Variants in ZPLD1 observed in about 807,000 individuals in gnomAD.
ZPLD1 encodes zona pellucida like domain containing 1.
A neutral mutation model predicts 47.2 loss-of-function variants in ZPLD1; 34 were observed. The ratio of observed to expected loss-of-function variants is 0.72; its 90% confidence interval spans 0.55 to 0.96. The LOEUF is 0.96. Ranked by LOEUF, ZPLD1 falls within the 40% of genes least tolerant of loss-of-function variation. ZPLD1 has a pLI of 0.00. For synonymous variants in ZPLD1, 176 were observed against 186.2 expected (o/e 0.95, Z 0.45); for missense variants, 512 against 505.8 (o/e 1.01, Z -0.12).
chr3:102,462,671 G>A (rs548050473), intron 7 of ZPLD1, among the ~76,000 whole-genome samples: 6 of 152,164 alleles, frequency 3.9e-5, no homozygotes, highest in African/African-American at 1.4e-4. Flanking sequence ...TCATCAGAAA[G>A]ATGATTAACC....
Position 102,438,545 on chromosome 3 carries a change from C to T in ZPLD1, c.58C>T (p.Gln20Ter). 1 of 1,613,996 alleles carries T rather than the reference C, an allele frequency of 6.2e-7. No homozygotes were observed. The highest frequency in any genetic ancestry group is 8.5e-7 in the Non-Finnish European group (1 of 1,179,880). ...LTIRVLPGSA[Q>*]FNGYNCDANL... ...AATTAGAGTGCTTCCGGGGTCTGCT[C>T]AGTTCAACGGCTACAACTGTGATGC... Residue 20 changes from glutamine to a stop codon, truncating the protein, a stop_gained, in exon 3 of 12, where the codon CAG becomes TAG. Transcript: ENST00000466937. LOFTEE classifies it high-confidence loss of function.
chr3:102,393,417 G>A (rs966099923), intron 7 of ZPLD1, among the ~76,000 whole-genome samples: 4 of 151,974 alleles, frequency 2.6e-5, no homozygotes, highest in Non-Finnish European at 4.4e-5. Context: ...CAACAACTCC[G>A]GATATCCAAA....
chr3:102,436,881 C>T lies in ZPLD1; in HGVS notation c.-101C>T. 1.0e-6 allele frequency: 1 copy of T among 985,282 alleles called. No homozygotes were observed. 61.0% of individuals were successfully genotyped at this position (985,282 alleles called of 1,614,324 possible). On this transcript the variant is annotated 5_prime_UTR_variant, in exon 2 of 12. It introduces an in-frame stop codon into an upstream open reading frame of the 5' UTR. Transcript: ENST00000466937. The stretch of plus-strand genomic sequence containing the variant: ...TTAGGATACACCTCTGTGTTGGGGA[C>T]AACAGTGTGGGTCTAGAGTTTCCAA...
rs1707099132 is a variant in ZPLD1 at position 102,436,909 on chromosome 3, T to A, written c.-73T>A. On this transcript the variant is annotated 5_prime_UTR_variant, in exon 2 of 12. Coordinates refer to ENST00000466937, the MANE Select transcript of ZPLD1 (RefSeq NM_001329788.2). Reference sequence around the variant, plus strand: ...CAGTGTGGGTCTAGAGTTTCCAATGTCTTCCAGGAGTTCTTGGGACCCATC... The same window carrying A: ...CAGTGTGGGTCTAGAGTTTCCAATGACTTCCAGGAGTTCTTGGGACCCATC... 1 of 985,370 alleles carries A rather than the reference T, an allele frequency of 1.0e-6. No homozygotes were observed. Among genetic ancestry groups the A allele is most frequent in the Non-Finnish European group, 1.2e-6 (1 of 829,956 alleles). 61.0% of individuals were successfully genotyped at this position (985,370 alleles called of 1,614,324 possible).
chr3:102,403,150 C>T (rs760062076), intron 7 of ZPLD1, among the ~76,000 whole-genome samples: 33 of 151,814 alleles, frequency 2.2e-4, no homozygotes, highest in Non-Finnish European at 4.7e-4. Context: ...TACGTTCATT[C>T]TGTAACCCTG....
chr3:102,440,555 T>A (rs539074224), intron 3 of ZPLD1, among the ~76,000 whole-genome samples: 1 of 152,166 alleles, frequency 6.6e-6, no homozygotes, highest in South Asian at 2.1e-4. Context: ...GAATATATAG[T>A]GGCAGTTTCT....
At chr3:102,472,523 C>T (rs866391188) in intron 10 of ZPLD1, among the ~76,000 whole-genome samples, 1 of 143,370 alleles carries the variant, frequency 7.0e-6, no homozygotes, top group Non-Finnish European at 1.5e-5. Context: ...CAGAGTGAGA[C>T]TCTGTCTCAA....
intron 10 of ZPLD1, among the ~76,000 whole-genome samples, chr3:102,475,011 T>C (rs1707737198): frequency 6.6e-6 from 1 of 151,938 alleles, no homozygotes; most frequent in Non-Finnish European, 1.5e-5. Context: ...TTCTTTGCAA[T>C]AATACAAAAA....
intron 7 of ZPLD1, among the ~76,000 whole-genome samples, chr3:102,412,374 C>T (rs1242352505): frequency 6.6e-6 from 1 of 151,614 alleles, no homozygotes; most frequent in Admixed American, 6.6e-5. Context: ...GCAGTGTGCT[C>T]ACTAACTCCC....
intron 7 of ZPLD1, among the ~76,000 whole-genome samples, chr3:102,407,442 T>TATATACAC (rs1553708474): frequency 1.6e-3 from 156 of 95,390 alleles, no homozygotes; most frequent in African/African-American, 2.5e-3. Flanking sequence ...TATATATATA[T>TATATACAC]ACACACATAT....
intron 7 of ZPLD1, among the ~76,000 whole-genome samples, chr3:102,408,309 C>T (rs1031803909): frequency 2.0e-5 from 3 of 151,818 alleles, no homozygotes; most frequent in Non-Finnish European, 4.4e-5. Flanking sequence ...TGCTCCATTT[C>T]TCAGGAAGAC....
intron 6 of ZPLD1, among the ~76,000 whole-genome samples, chr3:102,458,955 T>C (rs979026064): frequency 4.0e-5 from 6 of 151,328 alleles, no homozygotes; most frequent in Admixed American, 1.3e-4. Context: ...CCGGGCGTGG[T>C]GGCGGGCACC....
chr3:102,475,348 G>C (rs1344802624), intron 10 of ZPLD1, among the ~76,000 whole-genome samples: 2 of 152,010 alleles, frequency 1.3e-5, no homozygotes, highest in Non-Finnish European at 2.9e-5. Flanking sequence ...TTAACCTTAG[G>C]ATGCAGAAAA....
chr3:102,443,377 C>A (rs1401722698), intron 3 of ZPLD1, among the ~76,000 whole-genome samples: 1 of 152,044 alleles, frequency 6.6e-6, no homozygotes. Flanking sequence ...TTTTAAATAC[C>A]CCCTTTACAG....
At chr3:102,454,431 C>T (rs898656458) in intron 4 of ZPLD1, among the ~76,000 whole-genome samples, 24 of 152,182 alleles carry the variant, frequency 1.6e-4, no homozygotes, top group African/African-American at 5.8e-4. Flanking sequence ...TGCCCTGAAG[C>T]CTTTCCTTCC....
chr3:102,422,014 G>T (rs1344883003), intron 8 of ZPLD1, among the ~76,000 whole-genome samples: 4 of 151,992 alleles, frequency 2.6e-5, no homozygotes, highest in African/African-American at 9.7e-5. Context: ...AGATGAAATT[G>T]AAAAGTTTAA....
At chr3:102,390,435 A>T (rs1706482292) in intron 6 of ZPLD1, among the ~76,000 whole-genome samples, 1 of 152,214 alleles carries the variant, frequency 6.6e-6, no homozygotes, top group Non-Finnish European at 1.5e-5. Context: ...AATAGGGCAT[A>T]TGTGCTTTAA....
At position 102,435,036 on chromosome 3, in the gene ZPLD1, C is replaced by T; in HGVS notation, c.-241C>T. 2.6e-6 allele frequency: 4 copies of T among 1,513,536 alleles called. No individual in the cohort carries two copies. Among genetic ancestry groups the T allele is most frequent in the Non-Finnish European group, 3.7e-6 (4 of 1,089,848 alleles). The allele number at this position is 1,513,536 out of a possible 1,614,324, so 93.8% of individuals were successfully genotyped here. On this transcript the variant is annotated 5_prime_UTR_variant, in exon 1 of 12. Coordinates refer to ENST00000466937, the MANE Select transcript of ZPLD1 (RefSeq NM_001329788.2). ...AATGTAAAGGGTGTTAACATAATCC[C>T]CCAATCCCATACAATTCAATTTCAG...
intron 7 of ZPLD1, among the ~76,000 whole-genome samples, chr3:102,402,601 G>A (rs950033316): frequency 2.6e-5 from 4 of 151,970 alleles, no homozygotes; most frequent in Non-Finnish European, 4.4e-5. Context: ...AAGAAATGGC[G>A]ACAACATTGC....
Sources: allele counts gnomAD v4.1 joint callset (sites outside exome capture counted in the v4.1 genomes callset), GRCh38; gene constraint gnomAD v4.1.1; transcripts MANE v1.5; gene names NCBI Gene and HGNC (gene_info 2026-07-23, HGNC 2026-07-21).